SLC22A24: variants seen among roughly 807,000 people sequenced by gnomAD.
SLC22A24 encodes solute carrier family 22 member 24, also known as steroid transmembrane transporter SLC22A24.
A neutral mutation model predicts 49.8 loss-of-function variants in SLC22A24; 53 were observed. That is an observed-to-expected ratio of 1.06 (90% CI 0.85 to 1.34). The LOEUF is 1.34. Ranked by LOEUF, SLC22A24 falls within the 40% of genes most tolerant of loss-of-function variation. The probability of loss-of-function intolerance (pLI) is 0.00; values close to 1 mark genes in which losing one functional copy is unlikely to be tolerated. For synonymous variants in SLC22A24, 302 were observed against 256.4 expected, an observed-to-expected ratio of 1.18 and a Z score of -1.70; for missense variants, 786 against 675.9, an observed-to-expected ratio of 1.16 and a Z score of -1.81.
At chr11:63,124,660 C>T in intron 2 of SLC22A24, among the ~76,000 whole-genome samples, 1 of 152,130 alleles carries the variant, frequency 6.6e-6, no homozygotes, top group East Asian at 1.9e-4. Flanking sequence ...ACTGTTAGCT[C>T]TTACTAACAG....
At chr11:63,091,715 T>A (rs1046382000) in intron 6 of SLC22A24, among the ~76,000 whole-genome samples, 2 of 152,210 alleles carry the variant, frequency 1.3e-5, no homozygotes, top group Non-Finnish European at 2.9e-5. Flanking sequence ...CACCCTTTCA[T>A]GCTAAAAACT....
intron 2 of SLC22A24, among the ~76,000 whole-genome samples, chr11:63,127,950 G>A (rs2134675122): frequency 6.6e-6 from 1 of 151,944 alleles, no homozygotes; most frequent in South Asian, 2.1e-4. Flanking sequence ...CTTTTGCTGT[G>A]CAGAAGCTCT....
In SLC22A24 at chr11:63,081,125, T is replaced by G; in HGVS notation, c.1395-2A>C. 6.4e-7 allele frequency: 1 copy of G among 1,550,770 alleles called. No individual in the cohort carries two copies. The highest frequency in any genetic ancestry group is 8.7e-7 in the Non-Finnish European group (1 of 1,146,178). On this transcript the variant is annotated splice_acceptor_variant, in intron 8 of 9. Transcript: ENST00000612278. LOFTEE classifies it high-confidence loss of function. ...GCATTGATTCCTGCAACTGTTGACC[T>G]TAGAGTGCAAATAACAATACAAAAA...
chr11:63,107,171 C>T (rs1402747172), intron 4 of SLC22A24, among the ~76,000 whole-genome samples: 1 of 152,168 alleles, frequency 6.6e-6, no homozygotes, highest in Non-Finnish European at 1.5e-5. Flanking sequence ...TTCCCAGCAA[C>T]ATTTATTAAA....
chr11:63,106,989 T>G (rs758468177), intron 4 of SLC22A24, among the ~76,000 whole-genome samples: 1 of 152,140 alleles, frequency 6.6e-6, no homozygotes, highest in Non-Finnish European at 1.5e-5. Flanking sequence ...GGTGTTTTAG[T>G]CATGAAGTCC....
At chr11:63,140,464 T>C (rs976288351) in intron 1 of SLC22A24, among the ~76,000 whole-genome samples, 5 of 152,288 alleles carry the variant, frequency 3.3e-5, no homozygotes, top group African/African-American at 9.6e-5. Context: ...AGATATCAGA[T>C]CTGCTAAATG....
At chr11:63,132,049 C>G (rs2087339993) in intron 2 of SLC22A24, among the ~76,000 whole-genome samples, 1 of 152,106 alleles carries the variant, frequency 6.6e-6, no homozygotes, top group Non-Finnish European at 1.5e-5. Context: ...TCATTGATAT[C>G]CATTCTTCCA....
At chr11:63,123,245 T>G (rs1241141835) in intron 2 of SLC22A24, among the ~76,000 whole-genome samples, 1 of 152,080 alleles carries the variant, frequency 6.6e-6, no homozygotes, top group African/African-American at 2.4e-5. Flanking sequence ...CAGGGTAACT[T>G]TGAAACCTGA....
intron 6 of SLC22A24, among the ~76,000 whole-genome samples, chr11:63,094,423 T>C (rs2087040035): frequency 6.6e-6 from 1 of 152,116 alleles, no homozygotes; most frequent in Non-Finnish European, 1.5e-5. Context: ...CTATTGTGAA[T>C]AGTGCCACAA....
At chr11:63,129,375 G>A (rs1012384961) in intron 2 of SLC22A24, among the ~76,000 whole-genome samples, 2 of 152,084 alleles carry the variant, frequency 1.3e-5, no homozygotes, top group Non-Finnish European at 2.9e-5. Flanking sequence ...TTTGATTATT[G>A]TAGCCTTGTA....
rs1198806654 is a variant in SLC22A24 at position 63,081,562 on chromosome 11, A to G, written c.1390T>C (p.Leu464=). 10 of 1,549,144 alleles carry G rather than the reference A, an allele frequency of 6.5e-6. No homozygotes were observed. Among genetic ancestry groups the G allele is most frequent in the South Asian group, 2.4e-5 (2 of 84,014 alleles). The change falls in exon 8 of 10, where the codon TTG becomes CTG. Residue 464 remains leucine (L), a synonymous_variant. Coordinates refer to ENST00000612278, the MANE Select transcript of SLC22A24 (RefSeq NM_001136506.2). ...VHHNELVPTI[L]RSTVAGINAV... ...GATGGTCTTTAGCTCTTGTACCTCA[A>G]TATGGTGGGGACGAGCTCGTTGTGG...
Position 63,143,672 on chromosome 11 carries a change from C to T in SLC22A24, c.108G>A (p.Val36=). 5 of 1,596,860 alleles carry T rather than the reference C, an allele frequency of 3.1e-6. No homozygotes were observed. Among genetic ancestry groups the T allele is most frequent in the Non-Finnish European group, 4.3e-6 (5 of 1,172,202 alleles). The part of the protein sequence containing the change: ...ITNILLFPNI[V]LENFTAFTPS... ...GGGTGAATGCAGTGAAGTTCTCCAACACAATATTAGGGAACAGTAGGATGT... is the reference window on the plus strand; with the variant it reads ...GGGTGAATGCAGTGAAGTTCTCCAATACAATATTAGGGAACAGTAGGATGT... The change falls in exon 1 of 10, where the codon GTG becomes GTA. Residue 36 remains valine (V), a synonymous_variant. Transcript: ENST00000612278.
intron 5 of SLC22A24, among the ~76,000 whole-genome samples, chr11:63,101,307 G>A (rs911035713): frequency 6.7e-6 from 1 of 148,300 alleles, no homozygotes; most frequent in African/African-American, 2.5e-5. Flanking sequence ...GTTACTACTT[G>A]TTTTTTTTTT....
chr11:63,081,731 TA>T (rs1357379391), intron 7 of SLC22A24, 65 bp from the exon 8 acceptor site: 1 of 1,073,904 alleles, frequency 9.3e-7, no homozygotes, highest in Non-Finnish European at 1.4e-6. Flanking sequence ...CAAATAATTG[TA>T]AAAAGATTCT....
intron 2 of SLC22A24, among the ~76,000 whole-genome samples, chr11:63,129,491 G>GT (rs946925624): frequency 7.9e-5 from 12 of 151,940 alleles, no homozygotes; most frequent in Non-Finnish European, 1.3e-4. Flanking sequence ...TTTTAAAGTA[G>GT]TTTTTTTTCC....
chr11:63,112,137 A>G (rs2087170097), intron 4 of SLC22A24, among the ~76,000 whole-genome samples: 1 of 151,754 alleles, frequency 6.6e-6, no homozygotes, highest in Admixed American at 6.6e-5. Context: ...CAGGTTGTTC[A>G]TTTTCCATGT....
At chr11:63,136,786 A>T (rs1041789039) in intron 1 of SLC22A24, among the ~76,000 whole-genome samples, 8 of 152,156 alleles carry the variant, frequency 5.3e-5, no homozygotes, top group Admixed American at 1.3e-4. Flanking sequence ...TCAGCAATGG[A>T]TCCAGAAGCC....
intron 7 of SLC22A24, among the ~76,000 whole-genome samples, chr11:63,082,611 TA>T (rs2091619851): frequency 6.6e-6 from 1 of 152,246 alleles, no homozygotes; most frequent in African/African-American, 2.4e-5. Context: ...GTTCCTTGTT[TA>T]GGGGTAGATT....
chr11:63,139,021 G>T (rs112402730), intron 1 of SLC22A24, among the ~76,000 whole-genome samples: 5,133 of 152,184 alleles, frequency 0.034, 285 homozygotes, highest in African/African-American at 0.12. Context: ...GATCTGAAAG[G>T]ATTTTTTAAA....
Sources: gnomAD v4.1 joint callset for allele counts (sites outside exome capture counted in the v4.1 genomes callset) on GRCh38, gnomAD v4.1.1 for gene constraint, MANE v1.5 for transcripts, NCBI Gene and HGNC (gene_info 2026-07-23, HGNC 2026-07-21) for gene names.